The following AUTS2 variants were observed in gnomAD, a reference collection of about 807,000 sequenced individuals.
The protein encoded by AUTS2 is autism susceptibility gene 2 protein.
Under a neutral mutation model 112.4 loss-of-function variants are expected in AUTS2, and 17 were observed. The ratio of observed to expected loss-of-function variants is 0.15; its 90% CI spans 0.10 to 0.23. AUTS2 has a LOEUF of 0.23. Ranked by LOEUF, AUTS2 falls within the 10% of genes least tolerant of loss-of-function variation. The pLI is 1.00. For synonymous variants in AUTS2, 751 were observed against 702.7 expected (o/e 1.07, Z -1.09); for missense variants, 1,510 against 1,701.6 (o/e 0.89, Z 1.98).
At chr7:69,705,270 C>T (rs1237463620) in intron 1 of AUTS2, among the ~76,000 whole-genome samples, 1 of 152,156 alleles carries the variant, frequency 6.6e-6, no homozygotes, top group Non-Finnish European at 1.5e-5. Flanking sequence ...CATAGGTCAT[C>T]GGGCCTATCT....
chr7:70,290,298 G>A, intron 4 of AUTS2: 4 of 1,367,134 alleles, frequency 2.9e-6, no homozygotes, highest in South Asian at 3.7e-5. Context: ...AAAACATTTA[G>A]CACAGTATTA....
At chr7:69,672,035 C>T (rs1013828904) in intron 1 of AUTS2, among the ~76,000 whole-genome samples, 1 of 150,886 alleles carries the variant, frequency 6.6e-6, no homozygotes, top group Non-Finnish European at 1.5e-5. Flanking sequence ...GAGAGTAGAA[C>T]AAAGAGGGGA....
chr7:70,787,732 G>A (rs1791607272), intron 18 of AUTS2, among the ~76,000 whole-genome samples: 1 of 152,232 alleles, frequency 6.6e-6, no homozygotes, highest in South Asian at 2.1e-4. Flanking sequence ...AAGACAGGGA[G>A]TTGGAGCTTC....
At chr7:70,379,068 T>A (rs1051927050) in intron 4 of AUTS2, among the ~76,000 whole-genome samples, 1 of 152,156 alleles carries the variant, frequency 6.6e-6, no homozygotes, top group African/African-American at 2.4e-5. Flanking sequence ...TTGCTGGATA[T>A]AAGCCAGGTT....
chr7:70,270,620 A>T (rs1224215746), intron 4 of AUTS2, among the ~76,000 whole-genome samples: 1 of 152,036 alleles, frequency 6.6e-6, no homozygotes. Flanking sequence ...TGATTTGCTA[A>T]CTCATTGCAA....
intron 2 of AUTS2, among the ~76,000 whole-genome samples, chr7:69,936,149 A>G (rs1367905536): frequency 1.3e-5 from 2 of 152,056 alleles, no homozygotes; most frequent in Non-Finnish European, 2.9e-5. Context: ...ATCTCAGTAG[A>G]TGAAGTAGTT....
Position 70,769,688 on chromosome 7 carries a change from AAAT to A in AUTS2, c.1734+1630_1734+1632del, listed in dbSNP as rs140103204. ...CGACTGAGCAAGACTCCATTTCAAA[AAAT>A]AATAATAATTAATATAGAAAGTTGA... On this transcript the variant is annotated intron_variant, in intron 10 of 18. Transcript: ENST00000342771. Among the ~76,000 whole-genome samples, 1,059 of 152,240 alleles carry A rather than the reference AAAT, an allele frequency of 7.0e-3. 9 individuals carry two copies. Among genetic ancestry groups the A allele is most frequent in the African/African-American group, 0.024 (982 of 41,528 alleles).
chr7:69,819,277 A>T (rs1217882000), intron 1 of AUTS2, among the ~76,000 whole-genome samples: 1 of 152,192 alleles, frequency 6.6e-6, no homozygotes, highest in African/African-American at 2.4e-5. Context: ...GATTTTTGCC[A>T]CTTCCTCACC....
At chr7:69,772,407 T>C (rs1202986594) in intron 1 of AUTS2, among the ~76,000 whole-genome samples, 1 of 152,206 alleles carries the variant, frequency 6.6e-6, no homozygotes, top group Non-Finnish European at 1.5e-5. Flanking sequence ...CTGATAGAGG[T>C]ATAAGGTCCT....
chr7:70,000,097 T>C lies in AUTS2; in HGVS notation c.522+100599T>C, dbSNP rs28436704. On this transcript the variant is annotated intron_variant, in intron 2 of 18. Transcript: ENST00000342771. ...TGCACACAAACATGCAAGATTCACATTGTGCTCAAAGTGTTCCTGCTATGT... is the reference window on the plus strand; with the variant it reads ...TGCACACAAACATGCAAGATTCACACTGTGCTCAAAGTGTTCCTGCTATGT... 8.1e-3 allele frequency among the ~76,000 whole-genome samples: 1,234 copies of C among 152,364 alleles called. 16 individuals carry two copies. The highest frequency in any genetic ancestry group is 0.029 in the African/African-American group (1,197 of 41,572).
chr7:70,156,885 TAAAAGTAA>T (rs1807793279), intron 4 of AUTS2, among the ~76,000 whole-genome samples: 1 of 18,000 alleles, frequency 5.6e-5, no homozygotes, highest in African/African-American at 2.1e-4. Flanking sequence ...CCATCTCTAC[TAAAAGTAA>T]AAAAAAAAAA....
chr7:70,734,717 A>G (rs749775585), intron 6 of AUTS2, among the ~76,000 whole-genome samples: 3 of 152,190 alleles, frequency 2.0e-5, no homozygotes, highest in Non-Finnish European at 2.9e-5. Flanking sequence ...GAAGTCCCCT[A>G]GTTAATGTCA....
At chr7:70,642,369 C>G (rs1805880383) in intron 5 of AUTS2, among the ~76,000 whole-genome samples, 1 of 117,072 alleles carries the variant, frequency 8.5e-6, no homozygotes. Context: ...CTGGGAGTAT[C>G]TGGTTTAATA....
At chr7:70,495,513 G>T (rs1173482278) in intron 5 of AUTS2, among the ~76,000 whole-genome samples, 1 of 151,734 alleles carries the variant, frequency 6.6e-6, no homozygotes, top group Non-Finnish European at 1.5e-5. Flanking sequence ...CAGAAATTTG[G>T]TGAAACTCTT....
At chr7:70,731,647 T>C (rs1447565789) in intron 6 of AUTS2, among the ~76,000 whole-genome samples, 1 of 151,828 alleles carries the variant, frequency 6.6e-6, no homozygotes, top group East Asian at 1.9e-4. Context: ...GCCAGGATGG[T>C]CTCGATCTCC....
intron 4 of AUTS2, among the ~76,000 whole-genome samples, chr7:70,213,502 C>T (rs975850722): frequency 2.0e-5 from 3 of 150,708 alleles, no homozygotes; most frequent in Admixed American, 1.3e-4. Context: ...TATCACTGCA[C>T]TCCAGCCGAG....
In AUTS2 at chr7:70,538,347, G is replaced by A. The variant is rs1183547016; in HGVS notation, c.690+102566G>A. Among the ~76,000 whole-genome samples the A allele has an allele frequency of 2.6e-5, 4 of 152,122 alleles. No homozygotes were observed. In the East Asian group the frequency reaches 7.7e-4, roughly 29 times the overall value. On this transcript the variant is annotated intron_variant, in intron 5 of 18. Transcript: ENST00000342771. ...GTTCAAGACCAGCCTGGCCAATATG[G>A]TGAAACCCCGTCTCTACTAAAAATA...
chr7:69,850,800 C>G (rs1792444252), intron 1 of AUTS2, among the ~76,000 whole-genome samples: 1 of 152,118 alleles, frequency 6.6e-6, no homozygotes, highest in Non-Finnish European at 1.5e-5. Context: ...TGGAGCTTGG[C>G]TTTTCATTAT....
At chr7:70,550,942 C>T (rs1800991870) in intron 5 of AUTS2, among the ~76,000 whole-genome samples, 1 of 151,966 alleles carries the variant, frequency 6.6e-6, no homozygotes, top group African/African-American at 2.4e-5. Context: ...GGAACTCAGG[C>T]AGGAATATAC....
Sources: gnomAD v4.1 joint callset for allele counts (sites outside exome capture counted in the v4.1 genomes callset) on GRCh38, gnomAD v4.1.1 for gene constraint, MANE v1.5 for transcripts, NCBI Gene and HGNC (gene_info 2026-07-23, HGNC 2026-07-21) for gene names.